RAB3GAP2: variants seen among roughly 807,000 people sequenced by gnomAD.
RAB3GAP2 encodes RAB3 GTPase activating non-catalytic protein subunit 2, also known as rab3 GTPase-activating protein non-catalytic subunit.
RAB3GAP2 carries 87 observed loss-of-function variants against 185.3 expected under a neutral mutation model. The observed-to-expected ratio is 0.47, with a 90% CI of 0.39 to 0.56. The LOEUF is 0.56. Ranked by LOEUF, RAB3GAP2 falls within the 20% of genes least tolerant of loss-of-function variation. The pLI is 0.00. For synonymous variants in RAB3GAP2, 554 were observed against 576.1 expected, an observed-to-expected ratio of 0.96 and a Z score of 0.55; for missense variants, 1,492 against 1,638.2, an observed-to-expected ratio of 0.91 and a Z score of 1.54.
chr1:220,193,186 A>C, intron 13 of RAB3GAP2, 54 bp downstream of exon 13: 1 of 1,595,776 alleles, frequency 6.3e-7, no homozygotes, highest in Admixed American at 1.7e-5. Context: ...ACATTGCTCA[A>C]CTATTGGGGT....
intron 1 of RAB3GAP2, among the ~76,000 whole-genome samples, chr1:220,255,979 T>G (rs1040042463): frequency 2.0e-5 from 3 of 151,998 alleles, no homozygotes; most frequent in African/African-American, 7.3e-5. Context: ...CACATAATCA[T>G]CAGATTCTCC....
chr1:220,251,881 G>C, intron 1 of RAB3GAP2, among the ~76,000 whole-genome samples: 1 of 152,056 alleles, frequency 6.6e-6, no homozygotes, highest in East Asian at 1.9e-4. Flanking sequence ...GACTGGGTGC[G>C]GTGGCTCATG....
At chr1:220,206,705 T>C (rs1571900556) in intron 7 of RAB3GAP2, among the ~76,000 whole-genome samples, 1 of 152,212 alleles carries the variant, frequency 6.6e-6, no homozygotes, top group Admixed American at 6.5e-5. Context: ...CCTGAACTCA[T>C]TAACCATGGC....
At chr1:220,162,905 T>C (rs772588210) in intron 27 of RAB3GAP2, among the ~76,000 whole-genome samples, 1 of 152,110 alleles carries the variant, frequency 6.6e-6, no homozygotes, top group Non-Finnish European at 1.5e-5. Context: ...TATAAAAAAG[T>C]ATTAAAAACA....
intron 9 of RAB3GAP2, 77 bp from the exon 10 acceptor site, chr1:220,196,475 G>A (rs1658726924): frequency 7.4e-7 from 1 of 1,344,370 alleles, no homozygotes; most frequent in Non-Finnish European, 1.1e-6. Flanking sequence ...TCCATTCTAA[G>A]ATGCTAAATG....
At chr1:220,182,162 T>C (rs1014458774) in intron 21 of RAB3GAP2, 95 bp downstream of exon 21, 53 of 1,577,612 alleles carry the variant, frequency 3.4e-5, no homozygotes, top group Admixed American at 1.4e-4. Context: ...TTCTGTGATA[T>C]CCTAAAAGAC....
intron 2 of RAB3GAP2, among the ~76,000 whole-genome samples, chr1:220,225,382 C>T (rs1659385555): frequency 3.9e-5 from 6 of 152,152 alleles, no homozygotes. Flanking sequence ...AAAAGACAGA[C>T]TGGGAGGGTT....
At chr1:220,218,435 C>T (rs887950519) in intron 2 of RAB3GAP2, among the ~76,000 whole-genome samples, 1 of 152,170 alleles carries the variant, frequency 6.6e-6, no homozygotes, top group African/African-American at 2.4e-5. Flanking sequence ...TTTAGTTGTG[C>T]TTCTCAAGAA....
rs375989457 is a variant in RAB3GAP2, at chr1:220,154,443, T to C, written c.3556-386A>G. 4 of 221,932 alleles carry C rather than the reference T, an allele frequency of 1.8e-5. No individual in the cohort carries two copies. In the East Asian group the frequency reaches 4.6e-4, roughly 26 times the overall value. The allele number at this position is 221,932 out of a possible 1,614,324, so 13.7% of individuals were successfully genotyped here. A position where few individuals can be genotyped will look rare whatever the true frequency, so the allele number is the denominator to read the frequency against. On this transcript the variant is annotated intron_variant, in intron 31 of 34. Transcript: ENST00000358951. ...CTGCAGGAAGCCAGGTTCCGTGTTGTGAGCTGCTGTATGGAGAGGCACATG... is the reference window on the plus strand; with the variant it reads ...CTGCAGGAAGCCAGGTTCCGTGTTGCGAGCTGCTGTATGGAGAGGCACATG...
intron 2 of RAB3GAP2, among the ~76,000 whole-genome samples, chr1:220,232,025 C>T (rs1247510809): frequency 6.6e-6 from 1 of 152,118 alleles, no homozygotes; most frequent in African/African-American, 2.4e-5. Context: ...TTTTTTATTA[C>T]TCATATGTGA....
intron 2 of RAB3GAP2, chr1:220,220,429 C>A (rs1659285547): frequency 6.6e-6 from 1 of 152,428 alleles, no homozygotes; most frequent in African/African-American, 2.4e-5. Context: ...AAGTAGAAGT[C>A]CTTGGTGCCA....
chr1:220,237,367 T>C (rs560230957), intron 1 of RAB3GAP2, among the ~76,000 whole-genome samples: 1 of 152,368 alleles, frequency 6.6e-6, no homozygotes, highest in African/African-American at 2.4e-5. Flanking sequence ...TAAATGACAC[T>C]GTTATCAACT....
intron 7 of RAB3GAP2, among the ~76,000 whole-genome samples, chr1:220,206,353 AATACACATCCCCAAATATATTC>A (rs1378601701): frequency 6.6e-6 from 1 of 152,230 alleles, no homozygotes; most frequent in East Asian, 1.9e-4. Flanking sequence ...GACACGTCTC[AATACACATCCCCAAATATATTC>A]ATACACATTT....
At chr1:220,253,792 G>A in intron 1 of RAB3GAP2, 2 of 1,611,988 alleles carry the variant, frequency 1.2e-6, no homozygotes, top group East Asian at 2.2e-5. Context: ...GAAACAGCGA[G>A]AACTTCAAAA....
intron 1 of RAB3GAP2, chr1:220,266,668 A>G: frequency 6.6e-7 from 1 of 1,510,344 alleles, no homozygotes; most frequent in Non-Finnish European, 9.2e-7. Context: ...GTTATACAGC[A>G]GCCCTGGCTC....
chr1:220,256,430 C>T (rs1468147145), intron 1 of RAB3GAP2, among the ~76,000 whole-genome samples: 1 of 152,150 alleles, frequency 6.6e-6, no homozygotes, highest in African/African-American at 2.4e-5. Context: ...TGTAAATGGG[C>T]TAAATGCCCC....
chr1:220,230,610 C>G (rs1279390594), intron 2 of RAB3GAP2, among the ~76,000 whole-genome samples: 1 of 152,196 alleles, frequency 6.6e-6, no homozygotes, highest in Non-Finnish European at 1.5e-5. Flanking sequence ...ATGATGCTCT[C>G]TGATTTCTCT....
At chr1:220,265,342 T>C (rs1660210633) in intron 1 of RAB3GAP2, among the ~76,000 whole-genome samples, 1 of 152,088 alleles carries the variant, frequency 6.6e-6, no homozygotes, top group Non-Finnish European at 1.5e-5. Flanking sequence ...TTCTGGTTGG[T>C]AAAAGAGGCA....
chr1:220,204,173 T>C (rs1275010533), intron 8 of RAB3GAP2, among the ~76,000 whole-genome samples: 2 of 152,168 alleles, frequency 1.3e-5, no homozygotes, highest in Non-Finnish European at 1.5e-5. Context: ...GCATCTCATA[T>C]TGCAATCAAA....
Sources: allele counts gnomAD v4.1 joint callset (sites outside exome capture counted in the v4.1 genomes callset), GRCh38; gene constraint gnomAD v4.1.1; transcripts MANE v1.5; gene names NCBI Gene and HGNC (gene_info 2026-07-23, HGNC 2026-07-21).